The following DTNA variants were observed in gnomAD, a reference collection of about 807,000 sequenced individuals.
DTNA encodes the protein dystrophin-related protein 3.
A neutral mutation model predicts 100.7 loss-of-function variants in DTNA; 43 were observed. The ratio of observed to expected loss-of-function variants is 0.43; its 90% CI spans 0.33 to 0.55. DTNA has a LOEUF of 0.55. Ranked by LOEUF, DTNA falls within the 20% of genes least tolerant of loss-of-function variation. DTNA has a pLI of 0.04. For missense variants in DTNA, 798 were observed against 953.9 expected, an observed-to-expected ratio of 0.84 and a Z score of 2.15; for synonymous variants, 349 against 347.9, an observed-to-expected ratio of 1.00 and a Z score of -0.04.
chr18:34,578,806 A>G (rs1232801323), intron 1 of DTNA, among the ~76,000 whole-genome samples: 1 of 152,012 alleles, frequency 6.6e-6, no homozygotes, highest in African/African-American at 2.4e-5. Context: ...TGGGTTCTCT[A>G]TTCTGTTCCA....
chr18:34,645,789 A>G (rs2059765840), intron 1 of DTNA, among the ~76,000 whole-genome samples: 1 of 152,092 alleles, frequency 6.6e-6, no homozygotes, highest in African/African-American at 2.4e-5. Context: ...TCTCAGCTGT[A>G]TTGACTTTAG....
intron 1 of DTNA, among the ~76,000 whole-genome samples, chr18:34,637,337 C>G (rs1455338551): frequency 6.6e-6 from 1 of 152,178 alleles, no homozygotes; most frequent in African/African-American, 2.4e-5. Flanking sequence ...TTATCAGATC[C>G]TTCAGAAGTG....
At chr18:34,636,411 C>G (rs1476602350) in intron 1 of DTNA, among the ~76,000 whole-genome samples, 2 of 152,158 alleles carry the variant, frequency 1.3e-5, no homozygotes, top group East Asian at 3.9e-4. Flanking sequence ...TGTAATCCCA[C>G]AGTGCTGGGC....
intron 9 of DTNA, among the ~76,000 whole-genome samples, chr18:34,825,845 G>A (rs2095847930): frequency 6.6e-6 from 1 of 152,146 alleles, no homozygotes; most frequent in Admixed American, 6.5e-5. Context: ...GTGGGGTCAA[G>A]TATTTTTTTC....
At chr18:34,704,019 A>C (rs2081774341) in intron 1 of DTNA, among the ~76,000 whole-genome samples, 2 of 152,296 alleles carry the variant, frequency 1.3e-5, no homozygotes, top group South Asian at 4.1e-4. Context: ...TTTTACCATA[A>C]TAATTTATTC....
At chr18:34,756,446 A>C (rs1354084762) in intron 2 of DTNA, among the ~76,000 whole-genome samples, 2 of 152,180 alleles carry the variant, frequency 1.3e-5, no homozygotes, top group Non-Finnish European at 2.9e-5. Flanking sequence ...TTTTGAAATG[A>C]ATTATTGACT....
At chr18:34,879,529 T>C in intron 19 of DTNA, 22 bp from the exon 20 acceptor site, 3 of 1,613,898 alleles carry the variant, frequency 1.9e-6, no homozygotes, top group Non-Finnish European at 2.5e-6. Flanking sequence ...TCATTCTTTA[T>C]TTCTTCAATT....
At chr18:34,676,834 CAA>C (rs904454874) in intron 1 of DTNA, among the ~76,000 whole-genome samples, 1 of 152,130 alleles carries the variant, frequency 6.6e-6, no homozygotes, top group Non-Finnish European at 1.5e-5. Context: ...GACCTTGTCT[CAA>C]AGAGAGAGGG....
At chr18:34,865,978 T>A (rs1298027726) in intron 17 of DTNA, 1 of 936,148 alleles carries the variant, frequency 1.1e-6, no homozygotes, top group East Asian at 2.4e-5. Flanking sequence ...TGATAGTCAC[T>A]GAGGTGGCAG....
intron 1 of DTNA, among the ~76,000 whole-genome samples, chr18:34,512,259 A>G (rs1024811737): frequency 1.3e-5 from 2 of 151,948 alleles, no homozygotes; most frequent in South Asian, 4.1e-4. Context: ...AAAAAAATTT[A>G]TATAGTTTGC....
intron 4 of DTNA, 49 bp from the exon 5 acceptor site, chr18:34,806,170 G>C (rs1568585564): frequency 2.0e-6 from 3 of 1,516,318 alleles, no homozygotes; most frequent in Non-Finnish European, 1.8e-6. Context: ...ATGACATCAT[G>C]GTTTTGTTTT....
At chr18:34,837,721 G>A (rs1166681087) in intron 11 of DTNA, among the ~76,000 whole-genome samples, 1 of 152,196 alleles carries the variant, frequency 6.6e-6, no homozygotes, top group African/African-American at 2.4e-5. Flanking sequence ...TGTAGGGAAG[G>A]CTAAGTTCTT....
intron 1 of DTNA, among the ~76,000 whole-genome samples, chr18:34,515,714 G>A (rs952630335): frequency 1.3e-4 from 19 of 151,918 alleles, no homozygotes; most frequent in African/African-American, 3.4e-4. Context: ...AGATTTTCTC[G>A]TAACCAACAA....
At chr18:34,778,916 C>T (rs1040714284) in intron 3 of DTNA, among the ~76,000 whole-genome samples, 11 of 152,034 alleles carry the variant, frequency 7.2e-5, no homozygotes, top group Non-Finnish European at 1.2e-4. Context: ...CTCCCAGGTT[C>T]ACACCATTCT....
At chr18:34,879,973 C>G (rs1246202696) in intron 20 of DTNA, among the ~76,000 whole-genome samples, 1 of 152,092 alleles carries the variant, frequency 6.6e-6, no homozygotes, top group Non-Finnish European at 1.5e-5. Context: ...TTGCCCAAGG[C>G]ACATTGCTAG....
intron 3 of DTNA, among the ~76,000 whole-genome samples, chr18:34,769,134 T>A (rs2093634540): frequency 6.6e-6 from 1 of 152,186 alleles, no homozygotes; most frequent in African/African-American, 2.4e-5. Flanking sequence ...TTTGCTAAAT[T>A]AAGGTTTTAA....
Position 34,889,661 on chromosome 18 carries a change from C to G in DTNA, c.*1927C>G. ...GTCAGACATCATCTCCTTGGCTGCC[C>G]TTTGAAACCAAATCACTTGCCTTGG... is the stretch of plus-strand genomic sequence containing the variant. On this transcript the variant is annotated 3_prime_UTR_variant, in exon 23 of 23. Coordinates refer to ENST00000444659, the MANE Select transcript of DTNA (RefSeq NM_001386795.1). The G allele has an allele frequency of 1.0e-6, 1 of 985,834 alleles. No individual in the cohort carries two copies. Among genetic ancestry groups the G allele is most frequent in the Non-Finnish European group, 1.2e-6 (1 of 829,994 alleles). The allele number at this position is 985,834 out of a possible 1,614,324, so 61.1% of individuals were successfully genotyped here.
intron 6 of DTNA, among the ~76,000 whole-genome samples, chr18:34,814,278 T>C (rs2095548743): frequency 1.3e-5 from 2 of 152,206 alleles, no homozygotes; most frequent in Non-Finnish European, 2.9e-5. Flanking sequence ...TATAACTGAA[T>C]TCTTGAATTT....
rs148117138 is a variant in DTNA, at chr18:34,684,665, T to G, written c.-1-71311T>G. Among the ~76,000 whole-genome samples the G allele has an allele frequency of 4.5e-3, 688 of 152,324 alleles. 6 individuals carry two copies. Among genetic ancestry groups the G allele is most frequent in the African/African-American group, 0.015 (639 of 41,568 alleles). ...TATAATCCTTTGGGTATATACCCAGTAATACGATTGCTAGGTCAAATGGTA... is the reference window on the plus strand; with the variant it reads ...TATAATCCTTTGGGTATATACCCAGGAATACGATTGCTAGGTCAAATGGTA... On this transcript the variant is annotated intron_variant, in intron 1 of 19. Coordinates refer to the DTNA transcript ENST00000283365.
Sources: allele counts gnomAD v4.1 joint callset (sites outside exome capture counted in the v4.1 genomes callset), GRCh38; gene constraint gnomAD v4.1.1; transcripts MANE v1.5; gene names NCBI Gene and HGNC (gene_info 2026-07-23, HGNC 2026-07-21).